The following GLRA3 variants were observed in gnomAD, a reference collection of about 807,000 sequenced individuals.
GLRA3 encodes the protein glycine receptor subunit alpha-3.
A neutral mutation model predicts 60.4 loss-of-function variants in GLRA3; 44 were observed. The observed-to-expected ratio is 0.73, with a 90% CI of 0.57 to 0.94. GLRA3 has a LOEUF of 0.94. Among genes scored for constraint, GLRA3 ranks in the 40% least tolerant of loss-of-function variants. GLRA3 has a pLI of 0.00. For missense variants in GLRA3, 508 were observed against 564.6 expected (o/e 0.90, Z 1.02); for synonymous variants, 223 against 192.9 (o/e 1.16, Z -1.29).
At chr4:174,748,669 T>A (rs941574737) in intron 3 of GLRA3, among the ~76,000 whole-genome samples, 1 of 152,100 alleles carries the variant, frequency 6.6e-6, no homozygotes, top group African/African-American at 2.4e-5. Flanking sequence ...GGTTAAATTT[T>A]AGGTTTGGTG....
At chr4:174,771,195 C>T (rs749536572) in intron 2 of GLRA3, among the ~76,000 whole-genome samples, 1 of 151,860 alleles carries the variant, frequency 6.6e-6, no homozygotes, top group Non-Finnish European at 1.5e-5. Context: ...AACAAACCTG[C>T]ACATTGTGCA....
Position 174,641,515 on chromosome 4 carries a change from A to T in GLRA3, c.*2271T>A, listed in dbSNP as rs1474591732. ...TTAGTGCAGTAAGACAGTGACAAATATAATAGGAAAGGAAAACTATGCCTA... is the reference window on the plus strand; with the variant it reads ...TTAGTGCAGTAAGACAGTGACAAATTTAATAGGAAAGGAAAACTATGCCTA... On this transcript the variant is annotated 3_prime_UTR_variant, in exon 10 of 10. Coordinates refer to ENST00000274093, the MANE Select transcript of GLRA3 (RefSeq NM_006529.4). 6.6e-6 allele frequency: 1 copy of T among 152,094 alleles called. No homozygotes were observed. Among genetic ancestry groups the T allele is most frequent in the African/African-American group, 2.4e-5 (1 of 41,458 alleles). The allele number at this position is 152,094 out of a possible 1,614,324, so 9.4% of individuals were successfully genotyped here.
chr4:174,792,768 C>T (rs2111316771), intron 1 of GLRA3, among the ~76,000 whole-genome samples: 1 of 152,208 alleles, frequency 6.6e-6, no homozygotes, highest in South Asian at 2.1e-4. Flanking sequence ...AGTTAGGTCA[C>T]AGAAAAATAG....
chr4:174,714,027 G>A (rs560388311), intron 5 of GLRA3, among the ~76,000 whole-genome samples: 2 of 152,138 alleles, frequency 1.3e-5, no homozygotes, highest in African/African-American at 4.8e-5. Flanking sequence ...GGCATTCAGT[G>A]ACTTCACAAC....
intron 5 of GLRA3, among the ~76,000 whole-genome samples, chr4:174,708,755 T>C (rs1227526491): frequency 6.6e-6 from 1 of 151,446 alleles, no homozygotes; most frequent in African/African-American, 2.4e-5. Context: ...ACTATTATTC[T>C]GATTCTAAGA....
intron 2 of GLRA3, among the ~76,000 whole-genome samples, chr4:174,773,165 C>T (rs1738459586): frequency 6.6e-6 from 1 of 152,196 alleles, no homozygotes; most frequent in Non-Finnish European, 1.5e-5. Flanking sequence ...CTATCCAATA[C>T]ACTCCTATGT....
chr4:174,651,572 C>T (rs1042850133), intron 9 of GLRA3, among the ~76,000 whole-genome samples: 6 of 152,188 alleles, frequency 3.9e-5, no homozygotes, highest in Non-Finnish European at 5.9e-5. Flanking sequence ...ATGTTTTAAA[C>T]TCAGAGTAAC....
chr4:174,695,795 A>T (rs1735028949), intron 5 of GLRA3, among the ~76,000 whole-genome samples: 1 of 152,146 alleles, frequency 6.6e-6, no homozygotes, highest in Non-Finnish European at 1.5e-5. Context: ...GGGGATGTCA[A>T]ACTACCTCTG....
At chr4:174,773,504 T>C (rs980681053) in intron 2 of GLRA3, among the ~76,000 whole-genome samples, 2 of 152,134 alleles carry the variant, frequency 1.3e-5, no homozygotes. Context: ...TAAAAATGAC[T>C]AAGGAAGTTT....
intron 1 of GLRA3, among the ~76,000 whole-genome samples, chr4:174,796,521 A>G (rs573552719): frequency 3.9e-5 from 6 of 151,934 alleles, no homozygotes; most frequent in Admixed American, 3.3e-4. Flanking sequence ...GCATTTTTAC[A>G]TAGTCTATCC....
intron 2 of GLRA3, among the ~76,000 whole-genome samples, chr4:174,767,676 C>T (rs1477023621): frequency 6.6e-6 from 1 of 152,036 alleles, no homozygotes; most frequent in East Asian, 1.9e-4. Flanking sequence ...TCCACTCTTG[C>T]CAAGGGTCTT....
In GLRA3 at chr4:174,656,775, C is replaced by A. The variant is rs766111922; in HGVS notation, c.1084G>T (p.Ala362Ser). The change falls in exon 9 of 10, where the codon GCA (alanine) becomes TCA (serine). Residue 362 changes from alanine (A) to serine (S), a missense_variant. Physicochemically the swap from Ala to Ser is moderately conservative, Grantham distance 99. This residue lies in a region of GLRA3 where 176 missense variants were observed against 197.9 expected (regional missense o/e 0.89). Coordinates refer to ENST00000274093, the MANE Select transcript of GLRA3 (RefSeq NM_006529.4). ...GAGAAACGGTAAAACTTCTCCAGTG[C>A]AAAAGCTTCTGTCTGTGGGAAGGTA... ...RKRKNKTEAF[A>S]LEKFYRFSDM... The A allele has an allele frequency of 6.3e-7, 1 of 1,585,712 alleles. No homozygotes were observed. The highest frequency in any genetic ancestry group is 1.1e-5 in the South Asian group (1 of 90,406).
intron 9 of GLRA3, among the ~76,000 whole-genome samples, chr4:174,648,056 G>A (rs1424388169): frequency 2.6e-5 from 4 of 152,206 alleles, no homozygotes; most frequent in Non-Finnish European, 5.9e-5. Flanking sequence ...GAAAAGTAAT[G>A]TTTGGTGTGA....
chr4:174,659,284 T>C lies in GLRA3; in HGVS notation c.928-87A>G, dbSNP rs542301650. Reference sequence around the variant, plus strand: ...AAAACTGAGTTTTTCTGATTCTGAATTATGTCATTTATACATAAGTTTTAA... The same window carrying C: ...AAAACTGAGTTTTTCTGATTCTGAACTATGTCATTTATACATAAGTTTTAA... On this transcript the variant is annotated intron_variant, in intron 7 of 9. Transcript: ENST00000274093. 329 of 911,404 alleles carry C rather than the reference T, an allele frequency of 3.6e-4. No homozygotes were observed. In the African/African-American group the frequency reaches 5.1e-3, roughly 14 times the overall value. The allele number at this position is 911,404 out of a possible 1,614,324, so 56.5% of individuals were successfully genotyped here.
chr4:174,764,531 T>A, intron 3 of GLRA3, among the ~76,000 whole-genome samples: 1 of 140,288 alleles, frequency 7.1e-6, no homozygotes. Context: ...AGAACAGAAG[T>A]CAGCCTGTGC....
intron 3 of GLRA3, among the ~76,000 whole-genome samples, chr4:174,755,635 A>G (rs1250481475): frequency 6.6e-6 from 1 of 152,088 alleles, no homozygotes; most frequent in Non-Finnish European, 1.5e-5. Flanking sequence ...CCAATAAGTT[A>G]TTTACCAGAG....
chr4:174,684,295 A>C (rs1734469453), intron 5 of GLRA3, among the ~76,000 whole-genome samples: 2 of 152,212 alleles, frequency 1.3e-5, no homozygotes, highest in Admixed American at 1.3e-4. Context: ...AGAAAAAGAA[A>C]ATGACTTAAA....
At chr4:174,788,221 T>C (rs1292968821) in intron 2 of GLRA3, among the ~76,000 whole-genome samples, 1 of 152,074 alleles carries the variant, frequency 6.6e-6, no homozygotes, top group African/African-American at 2.4e-5. Context: ...TATATAAACA[T>C]GTTACTTACA....
At chr4:174,734,449 G>A (rs1483797465) in intron 3 of GLRA3, among the ~76,000 whole-genome samples, 1 of 152,200 alleles carries the variant, frequency 6.6e-6, no homozygotes, top group Non-Finnish European at 1.5e-5. Context: ...CATTGGGAAA[G>A]TGCCTTTCAA....
Sources: gnomAD v4.1 joint callset for allele counts (sites outside exome capture counted in the v4.1 genomes callset) on GRCh38, gnomAD v4.1.1 for gene constraint, gnomAD v4.1.1 regional missense constraint, MANE v1.5 for transcripts, NCBI Gene and HGNC (gene_info 2026-07-23, HGNC 2026-07-21) for gene names.